Variants in PCDH9 observed in about 807,000 individuals in gnomAD.
PCDH9 encodes protocadherin-9.
PCDH9 carries 24 observed loss-of-function variants against 70.6 expected under a neutral mutation model. That is an observed-to-expected ratio of 0.34 (90% confidence interval 0.25 to 0.48). The LOEUF (loss-of-function observed/expected upper bound fraction) is 0.48, where lower values mean the gene tolerates loss of function less well. Ranked by LOEUF, PCDH9 falls within the 20% of genes least tolerant of loss-of-function variation. The pLI, the probability that PCDH9 is intolerant of heterozygous loss-of-function variation, is 0.99. For missense variants in PCDH9, 1,281 were observed against 1,503.6 expected, an observed-to-expected ratio of 0.85 and a Z score of 2.45; for synonymous variants, 562 against 558.5, an observed-to-expected ratio of 1.01 and a Z score of -0.09.
At chr13:67,157,947 A>G (rs1346212095) in intron 2 of PCDH9, among the ~76,000 whole-genome samples, 3 of 152,228 alleles carry the variant, frequency 2.0e-5, no homozygotes, top group African/African-American at 7.2e-5. Flanking sequence ...GTTGACATTA[A>G]TTAAAAACAA....
At chr13:66,480,450 T>C (rs888515708) in intron 4 of PCDH9, among the ~76,000 whole-genome samples, 1 of 152,214 alleles carries the variant, frequency 6.6e-6, no homozygotes, top group Non-Finnish European at 1.5e-5. Flanking sequence ...TTGAGAAGTT[T>C]GATTTCAATT....
chr13:66,585,824 T>C (rs1446569706), intron 4 of PCDH9, among the ~76,000 whole-genome samples: 1 of 152,096 alleles, frequency 6.6e-6, no homozygotes, highest in Non-Finnish European at 1.5e-5. Flanking sequence ...GGTGAACAAA[T>C]GATCTTAGAA....
chr13:66,618,140 C>A lies in PCDH9; in HGVS notation c.3340+13070G>T, dbSNP rs371992122. 3.9e-5 allele frequency among the ~76,000 whole-genome samples: 6 copies of A among 152,238 alleles called. No homozygotes were observed. The East Asian group carries it at 9.7e-4, about 24-fold the overall frequency. The stretch of plus-strand genomic sequence containing the variant: ...TGGCCTAGTGAGAGTCCCTGTTTCC[C>A]CCCTTTATTTTCCTTTTCACCCAAT... On this transcript the variant is annotated intron_variant, in intron 4 of 4. Coordinates refer to ENST00000377865, the MANE Select transcript of PCDH9 (RefSeq NM_203487.3).
chr13:66,819,354 T>G (rs2080668411), intron 3 of PCDH9, among the ~76,000 whole-genome samples: 1 of 152,090 alleles, frequency 6.6e-6, no homozygotes, highest in East Asian at 1.9e-4. Flanking sequence ...AAAAGGTATT[T>G]TTGCTTGACT....
intron 2 of PCDH9, among the ~76,000 whole-genome samples, chr13:66,994,453 GC>G (rs1485003457): frequency 6.6e-6 from 1 of 152,158 alleles, no homozygotes; most frequent in African/African-American, 2.4e-5. Flanking sequence ...GCTGAGACTA[GC>G]CCGGGGAATC....
intron 2 of PCDH9, among the ~76,000 whole-genome samples, chr13:67,170,495 C>A (rs1159196610): frequency 6.6e-6 from 1 of 152,044 alleles, no homozygotes; most frequent in African/African-American, 2.4e-5. Context: ...TAAAGTAATA[C>A]CATTCGATTT....
intron 4 of PCDH9, among the ~76,000 whole-genome samples, chr13:66,353,413 T>C (rs1956325747): frequency 6.6e-6 from 1 of 152,216 alleles, no homozygotes; most frequent in South Asian, 2.1e-4. Context: ...AAAAACTTCC[T>C]GTAGTGTATC....
chr13:66,642,851 G>A (rs1428993984), intron 3 of PCDH9, among the ~76,000 whole-genome samples: 1 of 151,854 alleles, frequency 6.6e-6, no homozygotes, highest in African/African-American at 2.4e-5. Flanking sequence ...ACGAATGAGG[G>A]CAAATTTGAA....
At chr13:66,397,490 ATG>A (rs72081463) in intron 4 of PCDH9, among the ~76,000 whole-genome samples, 2 of 150,490 alleles carry the variant, frequency 1.3e-5, no homozygotes, top group Non-Finnish European at 3.0e-5. Context: ...ATATATATAT[ATG>A]TATACACACA....
chr13:66,515,797 T>C (rs1959703826), intron 4 of PCDH9, among the ~76,000 whole-genome samples: 1 of 152,050 alleles, frequency 6.6e-6, no homozygotes, highest in Admixed American at 6.6e-5. Context: ...ATCAAATTTG[T>C]TGCTTACTAT....
At chr13:66,611,433 A>G (rs1229004774) in intron 4 of PCDH9, among the ~76,000 whole-genome samples, 3 of 152,186 alleles carry the variant, frequency 2.0e-5, no homozygotes, top group Non-Finnish European at 4.4e-5. Flanking sequence ...TCTTATATGT[A>G]ACCCAAAGCT....
rs962883380 is a variant in PCDH9 at position 66,792,977 on chromosome 13, G to A, written c.3138+110527C>T. Among the ~76,000 whole-genome samples the A allele has an allele frequency of 4.6e-5, 7 of 152,158 alleles. No individual in the cohort carries two copies. In the South Asian group the frequency reaches 1.5e-3, roughly 32 times the overall value. ...CTTATTTTCAACAATGAATCAAGGA[G>A]TGAAGAATATTTTCACCTTAGTTGA... On this transcript the variant is annotated intron_variant, in intron 3 of 4. Coordinates refer to ENST00000377865, the MANE Select transcript of PCDH9 (RefSeq NM_203487.3).
rs1481272540 is a variant in PCDH9 at position 66,739,992 on chromosome 13, T to C, written c.3139-108581A>G. 8.6e-5 allele frequency among the ~76,000 whole-genome samples: 13 copies of C among 151,872 alleles called. No individual in the cohort carries two copies. In the East Asian group the frequency reaches 2.3e-3, roughly 27 times the overall value. ...AATTCAGCTCTGCACCAAGCGGACC[T>C]AATAGACATCTACAGAACTCTCCAC... On this transcript the variant is annotated intron_variant, in intron 3 of 4. Transcript: ENST00000377865.
At chr13:66,792,304 T>C (rs932719768) in intron 3 of PCDH9, among the ~76,000 whole-genome samples, 1 of 152,152 alleles carries the variant, frequency 6.6e-6, no homozygotes, top group Non-Finnish European at 1.5e-5. Context: ...TTATTAAACA[T>C]AGAACATATG....
At chr13:66,478,580 T>C (rs1407642933) in intron 4 of PCDH9, among the ~76,000 whole-genome samples, 1 of 152,168 alleles carries the variant, frequency 6.6e-6, no homozygotes, top group Non-Finnish European at 1.5e-5. Flanking sequence ...GAAACAGGCC[T>C]ATTGCTGATA....
chr13:66,306,174 ACCTGC>A (rs1251609339), intron 4 of PCDH9: 1 of 152,022 alleles, frequency 6.6e-6, no homozygotes, highest in Non-Finnish European at 1.5e-5. Context: ...AAGTAAACAT[ACCTGC>A]AAGTTTGCTT....
rs1261828752 is a variant in PCDH9, at chr13:66,696,872, T to C, written c.3139-65461A>G. On this transcript the variant is annotated intron_variant, in intron 3 of 4. Coordinates refer to ENST00000377865, the MANE Select transcript of PCDH9 (RefSeq NM_203487.3). ...ATCCCAGCACTTTGAGAGGCCAAGA[T>C]GGGAGATTGCTTGAGTCCAGGAGTT... is the stretch of plus-strand genomic sequence containing the variant. Among the ~76,000 whole-genome samples, 3 of 146,248 alleles carry C rather than the reference T, an allele frequency of 2.1e-5. No individual in the cohort carries two copies. The East Asian group carries it at 6.1e-4, about 30-fold the overall frequency.
intron 4 of PCDH9, among the ~76,000 whole-genome samples, chr13:66,623,591 A>T (rs1190604652): frequency 6.6e-6 from 1 of 152,004 alleles, no homozygotes; most frequent in Non-Finnish European, 1.5e-5. Context: ...GGCACAAACA[A>T]CTTCACTTGG....
chr13:66,987,084 A>T (rs994895382), intron 2 of PCDH9, among the ~76,000 whole-genome samples: 1 of 152,032 alleles, frequency 6.6e-6, no homozygotes, highest in Non-Finnish European at 1.5e-5. Context: ...TTAATTTTCA[A>T]ATGTTAGTTT....
Sources: gnomAD v4.1 joint callset for allele counts (sites outside exome capture counted in the v4.1 genomes callset) on GRCh38, gnomAD v4.1.1 for gene constraint, MANE v1.5 for transcripts, NCBI Gene and HGNC (gene_info 2026-07-23, HGNC 2026-07-21) for gene names.